The following CFI variants were observed in gnomAD, a reference collection of about 807,000 sequenced individuals.
The protein encoded by CFI is complement factor I, also known as C3B/C4B inactivator.
CFI carries 66 observed loss-of-function variants against 78.8 expected under a neutral mutation model. The observed-to-expected ratio is 0.84, with a 90% CI of 0.69 to 1.03. CFI has a LOEUF of 1.03. Ranked by LOEUF, CFI falls within the 50% of genes least tolerant of loss-of-function variation. The pLI is 0.00. For missense variants in CFI, 706 were observed against 704.5 expected, an observed-to-expected ratio of 1.00 and a Z score of -0.02; for synonymous variants, 250 against 232.6, an observed-to-expected ratio of 1.07 and a Z score of -0.68.
chr4:109,746,107 T>C, intron 11 of CFI, 115 bp downstream of exon 11: 1 of 1,261,722 alleles, frequency 7.9e-7, no homozygotes, highest in Non-Finnish European at 1.1e-6. Flanking sequence ...ATGTTTACTT[T>C]TCTGGATATG....
At position 109,746,425 on chromosome 4, in the gene CFI, A is replaced by G. The variant is rs1724452119; in HGVS notation, c.1226T>C (p.Ile409Thr). ...WIHPDLKRIV[I>T]EYVDRIIFHE... ...GAAAATAATTCTATCCACGTATTCA[A>G]TTACTATACGTTTAAGGTCGGGGTG... The change falls in exon 11 of 13, where the codon ATT becomes ACT. Residue 409 changes from isoleucine (I) to threonine (T), a missense_variant. Ile to Thr is a moderately conservative substitution (Grantham distance 89). Transcript: ENST00000394634. 2 of 1,614,018 alleles carry G rather than the reference A, an allele frequency of 1.2e-6. No individual in the cohort carries two copies. Among genetic ancestry groups the G allele is most frequent in the Non-Finnish European group, 1.7e-6 (2 of 1,179,932 alleles).
At chr4:109,748,781 T>A (rs1189336781) in intron 10 of CFI, among the ~76,000 whole-genome samples, 1 of 152,150 alleles carries the variant, frequency 6.6e-6, no homozygotes, top group Non-Finnish European at 1.5e-5. Flanking sequence ...CATGTTAAAA[T>A]TTTTGTTTCA....
intron 12 of CFI, 160 bp from the exon 13 acceptor site, chr4:109,741,270 C>T: frequency 1.0e-6 from 1 of 985,438 alleles, no homozygotes; most frequent in Non-Finnish European, 1.2e-6. Context: ...TGCAGAGTTG[C>T]AGAGATGCAG....
chr4:109,752,791 A>G (rs1019287358), intron 7 of CFI, among the ~76,000 whole-genome samples: 3 of 147,746 alleles, frequency 2.0e-5, no homozygotes, highest in African/African-American at 7.5e-5. Context: ...TCCAGTAGTT[A>G]GAGCACGCAA....
At chr4:109,734,447 A>G in the CFI span, among the ~76,000 whole-genome samples, 2 of 152,206 alleles carry the variant, frequency 1.3e-5, no homozygotes, top group East Asian at 1.9e-4. Context: ...GAACTTCACA[A>G]GAGTCTCATT....
At chr4:109,757,939 G>A in intron 6 of CFI, 156 bp from the exon 7 acceptor site, 1 of 1,461,246 alleles carries the variant, frequency 6.8e-7, no homozygotes, top group East Asian at 2.5e-5. Flanking sequence ...GATTTACCTT[G>A]AATTGTAGGA....
chr4:109,775,406 A>G (rs182074547), intron 1 of CFI, among the ~76,000 whole-genome samples: 1 of 152,280 alleles, frequency 6.6e-6, no homozygotes, highest in Non-Finnish European at 1.5e-5. Context: ...CATTGCTAGC[A>G]CAGCAGTCTG....
chr4:109,796,057 A>G (rs968806789), intron 1 of CFI, among the ~76,000 whole-genome samples: 2 of 152,358 alleles, frequency 1.3e-5, no homozygotes, highest in Admixed American at 6.5e-5. Flanking sequence ...GACACATTAT[A>G]ATCAAATTCT....
chr4:109,795,681 G>C (rs1006454220), intron 1 of CFI, among the ~76,000 whole-genome samples: 1 of 152,062 alleles, frequency 6.6e-6, no homozygotes, highest in Non-Finnish European at 1.5e-5. Context: ...AAGAACCAAA[G>C]AGAAATTTTG....
chr4:109,790,956 A>T (rs1162084993), intron 1 of CFI, among the ~76,000 whole-genome samples: 1 of 152,192 alleles, frequency 6.6e-6, no homozygotes, highest in Non-Finnish European at 1.5e-5. Context: ...TCCTTTAGGT[A>T]TATACCCAGT....
intron 3 of CFI, among the ~76,000 whole-genome samples, chr4:109,763,967 C>T (rs1727400323): frequency 6.7e-6 from 1 of 148,382 alleles, no homozygotes; most frequent in African/African-American, 2.5e-5. Context: ...TAAAATATCA[C>T]TTATATATAA....
At chr4:109,760,233 A>G (rs1419095429) in intron 6 of CFI, 37 bp downstream of exon 6, 3 of 1,431,066 alleles carry the variant, frequency 2.1e-6, no homozygotes, top group Non-Finnish European at 9.9e-7. Flanking sequence ...CCCTGGATTC[A>G]ATAATGAAAA....
rs141605529 is a variant in CFI, at chr4:109,799,115, T to C, written c.57+2800A>G. Among the ~76,000 whole-genome samples the C allele has an allele frequency of 3.3e-5, 5 of 152,234 alleles. No homozygotes were observed. The East Asian group carries it at 9.7e-4, about 30-fold the overall frequency. On this transcript the variant is annotated intron_variant, in intron 1 of 12. Coordinates refer to ENST00000394634, the MANE Select transcript of CFI (RefSeq NM_000204.5). ...GCATGTATCCTGCCCTGAGCATGTA[T>C]GGGGCTTCCTAAACTCCCCAATACA... is the stretch of plus-strand genomic sequence containing the variant.
intron 2 of CFI, among the ~76,000 whole-genome samples, chr4:109,765,666 C>T (rs901101348): frequency 2.6e-5 from 4 of 152,118 alleles, no homozygotes; most frequent in African/African-American, 4.8e-5. Flanking sequence ...ACATGAAGCA[C>T]CTGGAAGGGA....
At position 109,761,547 on chromosome 4, in the gene CFI, C is replaced by T. The variant is rs1307230174; in HGVS notation, c.628G>A (p.Ala210Thr). 6.2e-6 allele frequency: 10 copies of T among 1,614,100 alleles called. No homozygotes were observed. The highest frequency in any genetic ancestry group is 3.3e-5 in the South Asian group (3 of 91,088). ...TTCTGTGTATAACAAACCACATCAG[C>T]GAAATCCTGGTAACCCATAGTTCTT... Reference protein sequence around the residue: ...KRRTMGYQDFADVVCYTQKAD... With the variant: ...KRRTMGYQDFTDVVCYTQKAD... The change falls in exon 4 of 13, where the codon GCT (alanine) becomes ACT (threonine). Residue 210 changes from alanine (A) to threonine (T), a missense_variant. Coordinates refer to ENST00000394634, the MANE Select transcript of CFI (RefSeq NM_000204.5).
At chr4:109,743,553 T>G (rs1724064146) in intron 11 of CFI, among the ~76,000 whole-genome samples, 1 of 152,222 alleles carries the variant, frequency 6.6e-6, no homozygotes, top group African/African-American at 2.4e-5. Flanking sequence ...TTTCCATCAG[T>G]GAAATCCTAG....
intron 1 of CFI, among the ~76,000 whole-genome samples, chr4:109,800,962 T>C (rs780220900): frequency 9.9e-5 from 15 of 152,218 alleles, no homozygotes; most frequent in Admixed American, 5.9e-4. Context: ...AACATTGCAA[T>C]GATGGCAACT....
chr4:109,756,387 GGAA>G (rs142505090), intron 7 of CFI, among the ~76,000 whole-genome samples: 90,612 of 148,308 alleles, frequency 0.61, 29,497 homozygotes, highest in Non-Finnish European at 0.74. Flanking sequence ...GGGAAGAGAT[GGAA>G]GAAGAAGGAG....
At chr4:109,755,522 A>G (rs929063939) in intron 7 of CFI, among the ~76,000 whole-genome samples, 7 of 152,242 alleles carry the variant, frequency 4.6e-5, no homozygotes, top group African/African-American at 1.7e-4. Flanking sequence ...TCCCTCATTA[A>G]TAGATTAATG....
Sources: allele counts gnomAD v4.1 joint callset (sites outside exome capture counted in the v4.1 genomes callset), GRCh38; gene constraint gnomAD v4.1.1; transcripts MANE v1.5; gene names NCBI Gene and HGNC (gene_info 2026-07-23, HGNC 2026-07-21).